DLGAP4: variants seen among roughly 807,000 people sequenced by gnomAD.
DLGAP4 encodes DLG associated protein 4, also known as disks large-associated protein 4.
In DLGAP4, 18 loss-of-function variants were observed where a neutral mutation model predicts 86.9. The observed-to-expected ratio is 0.21, with a 90% CI of 0.14 to 0.31. The LOEUF is 0.31. Ranked by LOEUF, DLGAP4 falls within the 10% of genes least tolerant of loss-of-function variation. The pLI is 1.00. For synonymous variants in DLGAP4, 548 were observed against 574.3 expected (o/e 0.95, Z 0.65); for missense variants, 1,085 against 1,362.6 (o/e 0.80, Z 3.21).
At chr20:36,352,350 G>A (rs969957567) in intron 1 of DLGAP4, among the ~76,000 whole-genome samples, 12 of 151,956 alleles carry the variant, frequency 7.9e-5, no homozygotes, top group African/African-American at 2.7e-4. Flanking sequence ...GGACTATCTG[G>A]CTGCAGTGTG....
intron 7 of DLGAP4, among the ~76,000 whole-genome samples, chr20:36,489,795 G>A (rs2035579668): frequency 6.6e-6 from 1 of 151,930 alleles, no homozygotes; most frequent in Non-Finnish European, 1.5e-5. Flanking sequence ...GCTGCCGTGA[G>A]AGGGGCTGCC....
intron 1 of DLGAP4, among the ~76,000 whole-genome samples, chr20:36,310,192 GAA>G: frequency 9.0e-4 from 1 of 1,106 alleles, no homozygotes; most frequent in East Asian, 0.056. Context: ...AAGAAAGAAA[GAA>G]AGAAAGAAAG....
At chr20:36,401,901 C>T (rs185663821) in intron 2 of DLGAP4, among the ~76,000 whole-genome samples, 46 of 152,254 alleles carry the variant, frequency 3.0e-4, no homozygotes, top group Admixed American at 5.2e-4. Flanking sequence ...CCAATGTGAA[C>T]GCCCTGAGGG....
intron 2 of DLGAP4, among the ~76,000 whole-genome samples, chr20:36,416,978 C>G (rs960126755): frequency 3.3e-5 from 5 of 152,160 alleles, no homozygotes; most frequent in Non-Finnish European, 5.9e-5. Context: ...CGCTTAGCAC[C>G]AGGGATAGAG....
At chr20:36,496,393 G>A (rs1025260780) in intron 7 of DLGAP4, among the ~76,000 whole-genome samples, 2 of 152,152 alleles carry the variant, frequency 1.3e-5, no homozygotes, top group African/African-American at 4.8e-5. Context: ...GTGGCCCCAC[G>A]CACTTCACCT....
At chr20:36,355,018 C>A (rs190644554) in intron 1 of DLGAP4, among the ~76,000 whole-genome samples, 1 of 152,154 alleles carries the variant, frequency 6.6e-6, no homozygotes, top group African/African-American at 2.4e-5. Flanking sequence ...GCTGTTTACA[C>A]GCCATAAAAT....
chr20:36,480,732 C>T (rs1017138475), intron 7 of DLGAP4, among the ~76,000 whole-genome samples: 4 of 151,936 alleles, frequency 2.6e-5, no homozygotes, highest in South Asian at 2.1e-4. Context: ...TGGCTGGGCA[C>T]GGTAACTCAA....
At position 36,462,185 on chromosome 20, in the gene DLGAP4, G is replaced by A. The variant is rs904626690; in HGVS notation, c.1648+15248G>A. The A allele has an allele frequency of 1.7e-5, 18 of 1,062,254 alleles. No individual in the cohort carries two copies. The African/African-American group carries it at 2.9e-4, about 17-fold the overall frequency. 65.8% of individuals were successfully genotyped at this position (1,062,254 alleles called of 1,614,324 possible). ...CTGGGAGCTCCTAGGTCCCAAGTTG[G>A]GGTCTTTCTCCTTGGGACCCCCCAA... On this transcript the variant is annotated intron_variant, in intron 7 of 12. Coordinates refer to ENST00000339266, the MANE Select transcript of DLGAP4 (RefSeq NM_001365621.2).
intron 7 of DLGAP4, among the ~76,000 whole-genome samples, chr20:36,463,044 G>C (rs1386627570): frequency 6.6e-6 from 1 of 152,154 alleles, no homozygotes; most frequent in Non-Finnish European, 1.5e-5. Flanking sequence ...CAGCTAGGCT[G>C]TGGGGTTCAT....
At chr20:36,488,217 A>G (rs113641068) in intron 7 of DLGAP4, among the ~76,000 whole-genome samples, 10 of 150,540 alleles carry the variant, frequency 6.6e-5, no homozygotes, top group Admixed American at 4.0e-4. Context: ...AAAAAAAAAA[A>G]GCAGTTAGTG....
intron 3 of DLGAP4, among the ~76,000 whole-genome samples, chr20:36,433,940 C>A (rs1042810997): frequency 2.0e-5 from 3 of 150,742 alleles, no homozygotes; most frequent in Admixed American, 2.0e-4. Context: ...GCCACTGCAC[C>A]CAGCAATTTT....
intron 2 of DLGAP4, among the ~76,000 whole-genome samples, chr20:36,389,071 A>C (rs2031700474): frequency 6.6e-6 from 1 of 152,178 alleles, no homozygotes; most frequent in Non-Finnish European, 1.5e-5. Flanking sequence ...GACCGGGAAG[A>C]GCAGGTTTGC....
At chr20:36,403,253 C>T (rs1264126747) in intron 2 of DLGAP4, among the ~76,000 whole-genome samples, 2 of 152,162 alleles carry the variant, frequency 1.3e-5, no homozygotes, top group Non-Finnish European at 2.9e-5. Context: ...GAAGGCATCA[C>T]ATGGCAGAAG....
At chr20:36,352,217 C>T (rs557148698) in intron 1 of DLGAP4, among the ~76,000 whole-genome samples, 2 of 152,072 alleles carry the variant, frequency 1.3e-5, no homozygotes, top group East Asian at 1.9e-4. Context: ...TGAGAGTGGG[C>T]GATGGCAGAG....
intron 2 of DLGAP4, among the ~76,000 whole-genome samples, chr20:36,378,120 G>A (rs1460991204): frequency 1.4e-4 from 22 of 152,146 alleles, no homozygotes; most frequent in Admixed American, 1.4e-3. Context: ...GTTGCAAGGG[G>A]AAGCTCCTCC....
chr20:36,383,074 CATGT>C (rs1232372614), intron 2 of DLGAP4, among the ~76,000 whole-genome samples: 1 of 152,172 alleles, frequency 6.6e-6, no homozygotes, highest in Admixed American at 6.5e-5. Context: ...GCCTTCTTCC[CATGT>C]ATCAGAGGAG....
At chr20:36,457,441 G>GTGCAATGGC (rs2033907024) in intron 7 of DLGAP4, among the ~76,000 whole-genome samples, 1 of 142,454 alleles carries the variant, frequency 7.0e-6, no homozygotes, top group Non-Finnish European at 1.5e-5. Context: ...CCAGGCTGGA[G>GTGCAATGGC]TGCAATGGCT....
intron 1 of DLGAP4, among the ~76,000 whole-genome samples, chr20:36,323,175 C>CAAAAAAAAAA (rs1164348704): frequency 2.8e-5 from 1 of 35,374 alleles, no homozygotes; most frequent in African/African-American, 6.5e-5. Flanking sequence ...GACCCTATCT[C>CAAAAAAAAAA]AAAAAAAAAA....
intron 1 of DLGAP4, among the ~76,000 whole-genome samples, chr20:36,322,220 G>A (rs1270789505): frequency 2.0e-5 from 3 of 152,060 alleles, no homozygotes; most frequent in South Asian, 2.1e-4. Context: ...AACTGCAAAT[G>A]TGCAAACCCC....
Sources: allele counts gnomAD v4.1 joint callset (sites outside exome capture counted in the v4.1 genomes callset), GRCh38; gene constraint gnomAD v4.1.1; transcripts MANE v1.5; gene names NCBI Gene and HGNC (gene_info 2026-07-23, HGNC 2026-07-21).